The following RBFOX1 variants were observed in gnomAD, a reference collection of about 807,000 sequenced individuals.
RBFOX1 encodes RNA binding fox-1 homolog 1.
Under a neutral mutation model 57.7 loss-of-function variants are expected in RBFOX1, and 8 were observed. That is an observed-to-expected ratio of 0.14 (90% confidence interval 0.08 to 0.25). RBFOX1 has a LOEUF of 0.25. RBFOX1 is among the 10% of genes least tolerant of loss of function. The probability of loss-of-function intolerance (pLI) is 1.00; values close to 1 mark genes in which losing one functional copy is unlikely to be tolerated. For synonymous variants in RBFOX1, 326 were observed against 222.4 expected, an observed-to-expected ratio of 1.47 and a Z score of -4.15; for missense variants, 611 against 548.5, an observed-to-expected ratio of 1.11 and a Z score of -1.14.
chr16:5,489,375 A>C (rs914159235), intron 2 of RBFOX1, among the ~76,000 whole-genome samples: 6 of 152,198 alleles, frequency 3.9e-5, no homozygotes, highest in South Asian at 2.1e-4. Context: ...GCTCACCTCA[A>C]AGGGCTGGGC....
intron 1 of RBFOX1, among the ~76,000 whole-genome samples, chr16:6,256,257 GTGTATATATATATGTA>G (rs1567788789): frequency 4.7e-4 from 46 of 98,794 alleles, no homozygotes; most frequent in African/African-American, 2.1e-3. Flanking sequence ...GTATATATAT[GTGTATATATATATGTA>G]TATATATATG....
At chr16:5,260,426 C>G (rs949676113) in intron 1 of RBFOX1, among the ~76,000 whole-genome samples, 2 of 151,988 alleles carry the variant, frequency 1.3e-5, no homozygotes, top group Non-Finnish European at 2.9e-5. Flanking sequence ...ATTTTAAAAA[C>G]AAGAAGTAGC....
intron 3 of RBFOX1, among the ~76,000 whole-genome samples, chr16:6,814,388 C>A (rs2089564033): frequency 1.3e-5 from 2 of 152,100 alleles, no homozygotes; most frequent in African/African-American, 4.8e-5. Flanking sequence ...GTTTTCCATC[C>A]ATTCTTACGG....
intron 4 of RBFOX1, among the ~76,000 whole-genome samples, chr16:7,139,987 A>G (rs2045801218): frequency 6.6e-6 from 1 of 152,130 alleles, no homozygotes; most frequent in African/African-American, 2.4e-5. Flanking sequence ...ATCCAAGTCA[A>G]GACTGCAGTG....
At chr16:6,806,838 T>TATATATATATATATATA (rs1567331467) in intron 3 of RBFOX1, among the ~76,000 whole-genome samples, 5 of 48,094 alleles carry the variant, frequency 1.0e-4, no homozygotes, top group Admixed American at 2.6e-4. Context: ...ATATATATAT[T>TATATATATATATATATA]TTTTTTTTTT....
intron 3 of RBFOX1, among the ~76,000 whole-genome samples, chr16:5,801,199 G>A (rs114859035): frequency 0.032 from 4,806 of 152,218 alleles, 248 homozygotes; most frequent in African/African-American, 0.11. Flanking sequence ...CTTCTATGTA[G>A]CACATTAATG....
intron 4 of RBFOX1, among the ~76,000 whole-genome samples, chr16:7,375,512 T>G (rs911135676): frequency 3.9e-5 from 6 of 151,920 alleles, no homozygotes; most frequent in South Asian, 4.2e-4. Context: ...TTTTGTTTTT[T>G]TTTTTTTTAA....
intron 3 of RBFOX1, among the ~76,000 whole-genome samples, chr16:5,761,469 C>G (rs1404530925): frequency 1.3e-5 from 2 of 152,272 alleles, no homozygotes; most frequent in Non-Finnish European, 1.5e-5. Flanking sequence ...GAAAGGGGTT[C>G]AATTGACTCA....
intron 2 of RBFOX1, among the ~76,000 whole-genome samples, chr16:6,639,131 G>C (rs376512700): frequency 1.3e-5 from 2 of 152,184 alleles, no homozygotes; most frequent in Non-Finnish European, 2.9e-5. Flanking sequence ...ATACTCAATA[G>C]GATGCATAAG....
chr16:7,417,966 A>G (rs1026648898), intron 4 of RBFOX1, among the ~76,000 whole-genome samples: 10 of 152,032 alleles, frequency 6.6e-5, no homozygotes, highest in East Asian at 1.9e-4. Context: ...CTATCACCCA[A>G]TCACCACAAC....
chr16:6,282,355 G>GTTTTTT (rs151272388), intron 1 of RBFOX1, among the ~76,000 whole-genome samples: 4 of 125,262 alleles, frequency 3.2e-5, no homozygotes, highest in African/African-American at 8.7e-5. Context: ...TACCTTGTCT[G>GTTTTTT]TTTTTTTTTT....
rs151092363 is a variant in RBFOX1 at position 6,285,608 on chromosome 16, G to T, written c.-126-31387G>T. Among the ~76,000 whole-genome samples the T allele has an allele frequency of 1.6e-3, 237 of 152,214 alleles. 2 individuals are homozygous for T. The highest frequency in any genetic ancestry group is 5.6e-3 in the African/African-American group (231 of 41,528). ...ATAATAGCTTCTGCTTTTTGTTCTG[G>T]TGAGAGGTTTGCTTTTTAGGATGTA... On this transcript the variant is annotated intron_variant, in intron 1 of 15. Coordinates refer to ENST00000550418, the MANE Select transcript of RBFOX1 (RefSeq NM_018723.4).
intron 4 of RBFOX1, among the ~76,000 whole-genome samples, chr16:7,479,783 C>G (rs942507292): frequency 1.1e-4 from 16 of 152,212 alleles, no homozygotes; most frequent in African/African-American, 3.9e-4. Context: ...GCTCCACATT[C>G]TCCCCAGCAT....
intron 4 of RBFOX1, among the ~76,000 whole-genome samples, chr16:7,158,247 G>C (rs1369428439): frequency 2.0e-5 from 3 of 152,110 alleles, no homozygotes; most frequent in Non-Finnish European, 4.4e-5. Flanking sequence ...TTAGGAGGCT[G>C]AGGCAGGAGA....
intron 2 of RBFOX1, among the ~76,000 whole-genome samples, chr16:6,447,131 G>A (rs979008326): frequency 1.3e-5 from 2 of 152,134 alleles, no homozygotes; most frequent in Non-Finnish European, 2.9e-5. Flanking sequence ...TTCATTAAAA[G>A]TTCATGGTCT....
chr16:6,659,847 T>G (rs1236237852), intron 3 of RBFOX1, among the ~76,000 whole-genome samples: 2 of 151,910 alleles, frequency 1.3e-5, no homozygotes, highest in African/African-American at 4.8e-5. Flanking sequence ...GGAACTGGAG[T>G]GCTGACCTCA....
intron 3 of RBFOX1, among the ~76,000 whole-genome samples, chr16:6,867,097 C>G (rs1342190135): frequency 1.3e-5 from 2 of 151,826 alleles, no homozygotes; most frequent in South Asian, 2.1e-4. Context: ...AGCAAGAACA[C>G]TTCCAGTGGG....
intron 2 of RBFOX1, among the ~76,000 whole-genome samples, chr16:6,424,027 C>A (rs930793197): frequency 6.6e-6 from 1 of 152,134 alleles, no homozygotes; most frequent in Non-Finnish European, 1.5e-5. Context: ...ATCACTAGGT[C>A]AGGAGTTCGA....
chr16:6,459,126 C>T (rs976028368), intron 2 of RBFOX1, among the ~76,000 whole-genome samples: 10 of 152,086 alleles, frequency 6.6e-5, no homozygotes, highest in Non-Finnish European at 1.2e-4. Flanking sequence ...CCGAGGTCAG[C>T]AGATCGAGAC....
Sources: allele counts gnomAD v4.1 joint callset (sites outside exome capture counted in the v4.1 genomes callset), GRCh38; gene constraint gnomAD v4.1.1; transcripts MANE v1.5; gene names NCBI Gene and HGNC (gene_info 2026-07-23, HGNC 2026-07-21).